Variants in NET1 observed in about 807,000 individuals in gnomAD.
NET1 encodes neuroepithelial cell-transforming gene 1 protein.
NET1 carries 42 observed loss-of-function variants against 61.1 expected under a neutral mutation model. That is an observed-to-expected ratio of 0.69 (90% CI 0.54 to 0.89). The LOEUF is 0.89. NET1 is among the 40% of genes least tolerant of loss of function. NET1 has a pLI of 0.00. For missense variants in NET1, 654 were observed against 747.3 expected, an observed-to-expected ratio of 0.88 and a Z score of 1.46; for synonymous variants, 254 against 281.8, an observed-to-expected ratio of 0.90 and a Z score of 0.99.
chr10:5,420,763 T>G lies in NET1; in HGVS notation c.129-5892T>G, dbSNP rs1208391467. ...GGCAAGCGCCACCACGCCCAGCTAA[T>G]TTTTGTATTTTTAGTAGAGACGGGG... On this transcript the variant is annotated intron_variant, in intron 1 of 11. Coordinates refer to ENST00000355029, the MANE Select transcript of NET1 (RefSeq NM_001047160.3). This position sits in a 1 kb window ranked among gnomAD's most constrained non-coding sequence, Gnocchi z 5.3. Among the ~76,000 whole-genome samples, 3 of 151,894 alleles carry G rather than the reference T, an allele frequency of 2.0e-5. No homozygotes were observed. Among genetic ancestry groups the G allele is most frequent in the Non-Finnish European group, 4.4e-5 (3 of 67,950 alleles).
In NET1 at chr10:5,437,606, T is replaced by C. The variant is rs1311908883; in HGVS notation, c.255+8377T>C. ...AAAATGTTTGCCAAATTGATACTTTTCTATCGGTTTATGATAATATTCATA... is the reference window on the plus strand; with the variant it reads ...AAAATGTTTGCCAAATTGATACTTTCCTATCGGTTTATGATAATATTCATA... On this transcript the variant is annotated intron_variant, in intron 3 of 11. Coordinates refer to ENST00000355029, the MANE Select transcript of NET1 (RefSeq NM_001047160.3). This position sits in a 1 kb window ranked among gnomAD's most constrained non-coding sequence, Gnocchi z 4.3. Among the ~76,000 whole-genome samples, 1 of 152,222 alleles carries C rather than the reference T, an allele frequency of 6.6e-6. No individual in the cohort carries two copies. Among genetic ancestry groups the C allele is most frequent in the Non-Finnish European group, 1.5e-5 (1 of 68,032 alleles).
In NET1 at chr10:5,420,762, A is replaced by AT. The variant is rs1259188991; in HGVS notation, c.129-5888dup. Among the ~76,000 whole-genome samples, 1 of 151,804 alleles carries AT rather than the reference A, an allele frequency of 6.6e-6. No individual in the cohort carries two copies. The highest frequency in any genetic ancestry group is 1.5e-5 in the Non-Finnish European group (1 of 67,894). On this transcript the variant is annotated intron_variant, in intron 1 of 11. Transcript: ENST00000355029. The surrounding 1 kb of genome is among the most constrained non-coding windows in gnomAD (Gnocchi z 5.3). ...AGGCAAGCGCCACCACGCCCAGCTA[A>AT]TTTTTGTATTTTTAGTAGAGACGGG... is the stretch of plus-strand genomic sequence containing the variant.
In NET1 at chr10:5,456,656, G is replaced by A; in HGVS notation, c.1453G>A (p.Asp485Asn). ...PAQSHTLQANDVFHKQQWFNC... is the reference protein window; with the variant it reads ...PAQSHTLQANNVFHKQQWFNC... ...CCAGTCTCACACTCTGCAAGCCAAT[G>A]ACGTGTTCCACAAGCAGCAGTGGTT... Residue 485 changes from aspartate (D) to asparagine (N), a missense_variant, in exon 12 of 12, where the codon GAC (aspartate) becomes AAC (asparagine). Physicochemically the swap from Asp to Asn is conservative, Grantham distance 23. Coordinates refer to ENST00000355029, the MANE Select transcript of NET1 (RefSeq NM_001047160.3). This position sits in a 1 kb window ranked among gnomAD's most constrained non-coding sequence, Gnocchi z 7.0. 6.2e-7 allele frequency: 1 copy of A among 1,613,062 alleles called. No homozygotes were observed. The highest frequency in any genetic ancestry group is 8.5e-7 in the Non-Finnish European group (1 of 1,179,760).
rs1212401181 is a variant in NET1, at chr10:5,443,116, T to C, written c.256-8714T>C. On this transcript the variant is annotated intron_variant, in intron 3 of 11. Coordinates refer to ENST00000355029, the MANE Select transcript of NET1 (RefSeq NM_001047160.3). The surrounding 1 kb of genome is among the most constrained non-coding windows in gnomAD (Gnocchi z 4.8). ...TAGGTCTACTGTTAACTTAGGTCAC[T>C]AACATATACTGAGCACCTAGTGTGT... is the stretch of plus-strand genomic sequence containing the variant. Among the ~76,000 whole-genome samples the C allele has an allele frequency of 2.0e-5, 3 of 152,168 alleles. No individual in the cohort carries two copies. Among genetic ancestry groups the C allele is most frequent in the African/African-American group, 7.2e-5 (3 of 41,448 alleles).
chr10:5,430,105 G>C (rs773001720), intron 3 of NET1, among the ~76,000 whole-genome samples: 25 of 151,952 alleles, frequency 1.6e-4, no homozygotes, highest in Admixed American at 1.3e-4. Context: ...TAAGTTGTAA[G>C]CATTTTGCAA....
intron 3 of NET1, among the ~76,000 whole-genome samples, chr10:5,434,464 C>A (rs1167768027): frequency 1.3e-5 from 2 of 152,088 alleles, no homozygotes; most frequent in Non-Finnish European, 2.9e-5. Context: ...AGAGCCTTTC[C>A]CAGATGAGGC....
At position 5,423,610 on chromosome 10, in the gene NET1, G is replaced by A. The variant is rs777052595; in HGVS notation, c.129-3045G>A. On this transcript the variant is annotated intron_variant, in intron 1 of 11. Transcript: ENST00000355029. The surrounding 1 kb of genome is among the most constrained non-coding windows in gnomAD (Gnocchi z 4.4). ...ATTTGGATATATAGAAAAATACATT[G>A]GATATATGGACAAAAATTCTTGAAA... Among the ~76,000 whole-genome samples, 3 of 152,044 alleles carry A rather than the reference G, an allele frequency of 2.0e-5. No individual in the cohort carries two copies. The highest frequency in any genetic ancestry group is 1.3e-4 in the Admixed American group (2 of 15,266).
rs1245282732 is a variant in NET1 at position 5,453,085 on chromosome 10, TAGTA to T, written c.595-162_595-159del. ...TAGACACATCCTCAAATACAAGTAT[TAGTA>T]AGAGAGTTTATTTGGGGATTAATAC... On this transcript the variant is annotated intron_variant, in intron 6 of 11. Transcript: ENST00000355029. The surrounding 1 kb of genome is among the most constrained non-coding windows in gnomAD (Gnocchi z 4.9). 3.5e-5 allele frequency: 25 copies of T among 707,142 alleles called. No homozygotes were observed. The highest frequency in any genetic ancestry group is 4.7e-5 in the Non-Finnish European group (19 of 402,450). The allele number at this position is 707,142 out of a possible 1,614,324, so 43.8% of individuals were successfully genotyped here.
Position 5,421,256 on chromosome 10 carries a change from T to G in NET1, c.129-5399T>G, listed in dbSNP as rs968800246. Among the ~76,000 whole-genome samples the G allele has an allele frequency of 6.6e-6, 1 of 152,244 alleles. No homozygotes were observed. Among genetic ancestry groups the G allele is most frequent in the African/African-American group, 2.4e-5 (1 of 41,470 alleles). ...ACAAGTAATGTTTAAATAATTTTAT[T>G]TCTGTCTTTCGGGGCCTTAGGGAAA... On this transcript the variant is annotated intron_variant, in intron 1 of 11. Transcript: ENST00000355029. The surrounding 1 kb of genome is among the most constrained non-coding windows in gnomAD (Gnocchi z 4.2).
chr10:5,436,225 C>T lies in NET1; in HGVS notation c.255+6996C>T, dbSNP rs796137277. Among the ~76,000 whole-genome samples, 41 of 24,618 alleles carry T rather than the reference C, an allele frequency of 1.7e-3. No homozygotes were observed. In the East Asian group the frequency reaches 0.02, roughly 12 times the overall value. The allele number at this position is 24,618 out of a possible 152,430, so 16.2% of individuals were successfully genotyped here. ...GTGTGTGTGTGTGTGTGTGTGTGTG[C>T]ATATATATATATATATATATATATT... On this transcript the variant is annotated intron_variant, in intron 3 of 11. Transcript: ENST00000355029.
rs535729737 is a variant in NET1 at position 5,421,726 on chromosome 10, G to A, written c.129-4929G>A. The stretch of plus-strand genomic sequence containing the variant: ...TAATTATCAGTAAATTTATAGAGTT[G>A]TGCAGTCATTACCACAATCCATTGT... On this transcript the variant is annotated intron_variant, in intron 1 of 11. Transcript: ENST00000355029. This position sits in a 1 kb window ranked among gnomAD's most constrained non-coding sequence, Gnocchi z 4.2. 1.3e-5 allele frequency among the ~76,000 whole-genome samples: 2 copies of A among 152,208 alleles called. No individual in the cohort carries two copies. Among genetic ancestry groups the A allele is most frequent in the South Asian group, 4.1e-4 (2 of 4,824 alleles).
rs1447906021 is a variant in NET1, at chr10:5,416,655, T to C, written c.128+3835T>C. On this transcript the variant is annotated intron_variant, in intron 1 of 11. Coordinates refer to ENST00000355029, the MANE Select transcript of NET1 (RefSeq NM_001047160.3). The surrounding 1 kb of genome is among the most constrained non-coding windows in gnomAD (Gnocchi z 6.1). ...AAGTATTTTGTTCTTTTTGATGCAG[T>C]TGTAAATGGATTCATTTCTTTTGAA... Among the ~76,000 whole-genome samples, 1 of 152,258 alleles carries C rather than the reference T, an allele frequency of 6.6e-6. No homozygotes were observed. Among genetic ancestry groups the C allele is most frequent in the East Asian group, 1.9e-4 (1 of 5,198 alleles).
intron 1 of NET1, among the ~76,000 whole-genome samples, chr10:5,414,258 G>A (rs1444234922): frequency 6.6e-6 from 1 of 152,150 alleles, no homozygotes; most frequent in African/African-American, 2.4e-5. Flanking sequence ...GACCTTGTAT[G>A]CCTTGACAGA....
rs1832849510 is a variant in NET1, at chr10:5,458,643, A to G, written c.*1649A>G. Among the ~76,000 whole-genome samples the G allele has an allele frequency of 6.6e-6, 1 of 152,228 alleles. No individual in the cohort carries two copies. On this transcript the variant is annotated 3_prime_UTR_variant, in exon 12 of 12. Coordinates refer to ENST00000355029, the MANE Select transcript of NET1 (RefSeq NM_001047160.3). The surrounding 1 kb of genome is among the most constrained non-coding windows in gnomAD (Gnocchi z 4.5). Reference sequence around the variant, plus strand: ...TCTTGTGTTAGGAAATCTTTTAAGAACATGGTGTAATCAGACACAGCAATT... The same window carrying G: ...TCTTGTGTTAGGAAATCTTTTAAGAGCATGGTGTAATCAGACACAGCAATT...
At position 5,456,206 on chromosome 10, in the gene NET1, A is replaced by C; in HGVS notation, c.1317A>C (p.Glu439Asp). Residue 439 changes from glutamate to aspartate, a missense_variant, in exon 11 of 12, where the codon GAA becomes GAC. Glu to Asp is a conservative substitution (Grantham distance 45). Transcript: ENST00000355029. This position sits in a 1 kb window ranked among gnomAD's most constrained non-coding sequence, Gnocchi z 7.0. ...TCCCAGTCCAAGAGCTAGTCCTAGA[A>C]GACCTGCAGGATGGAGATGTGAGAA... is the stretch of plus-strand genomic sequence containing the variant. Reference protein sequence around the residue: ...QPIPVQELVLEDLQDGDVRMG... With the variant: ...QPIPVQELVLDDLQDGDVRMG... 6.2e-7 allele frequency: 1 copy of C among 1,614,232 alleles called. No individual in the cohort carries two copies. The highest frequency in any genetic ancestry group is 8.5e-7 in the Non-Finnish European group (1 of 1,180,038).
At chr10:5,445,515 T>G (rs1038524900) in intron 3 of NET1, among the ~76,000 whole-genome samples, 4 of 152,246 alleles carry the variant, frequency 2.6e-5, no homozygotes, top group African/African-American at 9.6e-5. Context: ...TATAATAGAT[T>G]TATCTGATTC....
chr10:5,429,237 C>T lies in NET1; in HGVS notation c.255+8C>T, dbSNP rs4604777. The stretch of plus-strand genomic sequence containing the variant: ...AGCAGCCTTGATCTGAAGGTAAGCC[C>T]TGCTGCCCTGTTAAAGAAAAGCATT... On this transcript the variant is annotated splice_region_variant and intron_variant, in intron 3 of 11. Transcript: ENST00000355029. The T allele has an allele frequency of 0.99, 1,579,034 of 1,593,996 alleles. 782,565 individuals are homozygous for T. Among genetic ancestry groups the T allele is most frequent in the Non-Finnish European group, 1 (1,166,641 of 1,167,036 alleles).
rs1293493731 is a variant in NET1 at position 5,423,276 on chromosome 10, G to T, written c.129-3379G>T. Among the ~76,000 whole-genome samples the T allele has an allele frequency of 6.6e-6, 1 of 152,032 alleles. No homozygotes were observed. The highest frequency in any genetic ancestry group is 1.5e-5 in the Non-Finnish European group (1 of 67,992). ...TTTTTGAAAATATTTATAATTTCAGGTCAGGTCTTATCTGGCATGATGGAG... is the reference window on the plus strand; with the variant it reads ...TTTTTGAAAATATTTATAATTTCAGTTCAGGTCTTATCTGGCATGATGGAG... On this transcript the variant is annotated intron_variant, in intron 1 of 11. Coordinates refer to ENST00000355029, the MANE Select transcript of NET1 (RefSeq NM_001047160.3). The surrounding 1 kb of genome is among the most constrained non-coding windows in gnomAD (Gnocchi z 4.4).
Position 5,420,195 on chromosome 10 carries a change from A to G in NET1, c.129-6460A>G, listed in dbSNP as rs1832149074. On this transcript the variant is annotated intron_variant, in intron 1 of 11. Transcript: ENST00000355029. This position sits in a 1 kb window ranked among gnomAD's most constrained non-coding sequence, Gnocchi z 5.3. The stretch of plus-strand genomic sequence containing the variant: ...AATAAAACAAAATTTTAATGCAAAT[A>G]TTTAAACCAAGCAGTTCTACCCACA... Among the ~76,000 whole-genome samples, 1 of 152,228 alleles carries G rather than the reference A, an allele frequency of 6.6e-6. No homozygotes were observed. Among genetic ancestry groups the G allele is most frequent in the African/African-American group, 2.4e-5 (1 of 41,454 alleles).
Sources: allele counts gnomAD v4.1 joint callset (sites outside exome capture counted in the v4.1 genomes callset), GRCh38; gene constraint gnomAD v4.1.1; non-coding constraint Gnocchi (gnomAD v3.1); transcripts MANE v1.5; gene names NCBI Gene and HGNC (gene_info 2026-07-23, HGNC 2026-07-21).